The following RUFY3 variants were observed in gnomAD, a reference collection of about 807,000 sequenced individuals.
RUFY3 encodes protein RUFY3.
In RUFY3, 34 loss-of-function variants were observed where a neutral mutation model predicts 84.0. The ratio of observed to expected loss-of-function variants is 0.40; its 90% CI spans 0.31 to 0.54. RUFY3 has a LOEUF of 0.54. Ranked by LOEUF, RUFY3 falls within the 20% of genes least tolerant of loss-of-function variation. RUFY3 has a pLI of 0.39. For missense variants in RUFY3, 507 were observed against 736.8 expected (o/e 0.69, Z 3.61); for synonymous variants, 242 against 252.9 (o/e 0.96, Z 0.41).
chr4:70,704,222 C>G (rs1489404836), upstream of RUFY3: 1 of 152,194 alleles, frequency 6.6e-6, no homozygotes, highest in Non-Finnish European at 1.5e-5. Context: ...GATTTCAGTA[C>G]AGCGCACAAG....
intron 1 of RUFY3, among the ~76,000 whole-genome samples, chr4:70,723,524 G>A (rs1434445071): frequency 2.0e-5 from 3 of 151,882 alleles, no homozygotes; most frequent in African/African-American, 4.8e-5. Flanking sequence ...CTTGACTTGC[G>A]ACTTTTTTCC....
upstream of RUFY3, among the ~76,000 whole-genome samples, chr4:70,719,516 A>G (rs1231664558): frequency 6.6e-6 from 1 of 152,178 alleles, no homozygotes; most frequent in East Asian, 1.9e-4. Flanking sequence ...GGATTTATTC[A>G]TGTATTCCTT....
chr4:70,784,841 G>A lies in RUFY3; in HGVS notation c.1033G>A (p.Ala345Thr). 6.2e-7 allele frequency: 1 copy of A among 1,607,272 alleles called. No homozygotes were observed. The highest frequency in any genetic ancestry group is 8.5e-7 in the Non-Finnish European group (1 of 1,177,198). ...RTAEGQALSE[A>T]RKHLKEETQL... ...TGCAGAAGGGCAAGCACTAAGTGAA[G>A]CAAGAAAGCATTTAAAAGAAGAGAC... The change falls in exon 10 of 18, where the codon GCA (alanine) becomes ACA (threonine). Residue 345 changes from alanine (A) to threonine (T), a missense_variant. Ala to Thr is a moderately conservative substitution (Grantham distance 58, BLOSUM62 0). This residue lies in a region of RUFY3 where 334 missense variants were observed against 364.1 expected (regional missense o/e 0.92). Coordinates refer to ENST00000381006, the MANE Select transcript of RUFY3 (RefSeq NM_001037442.4).
intron 1 of RUFY3, among the ~76,000 whole-genome samples, chr4:70,732,176 T>G (rs1719381607): frequency 6.6e-6 from 1 of 152,228 alleles, no homozygotes; most frequent in South Asian, 2.1e-4. Context: ...TCTCACACCT[T>G]TCATGTCCTG....
Position 70,775,221 on chromosome 4 carries a change from A to G in RUFY3, c.812A>G (p.Asn271Ser). Reference protein sequence around the residue: ...LDQKNYVEELNRHLNATVNNL... With the variant: ...LDQKNYVEELSRHLNATVNNL... ...CAGAAGAACTATGTAGAAGAACTGAACAGACATTTGAAGTAAATAATGAAT... is the reference window on the plus strand; with the variant it reads ...CAGAAGAACTATGTAGAAGAACTGAGCAGACATTTGAAGTAAATAATGAAT... The change falls in exon 7 of 18, where the codon AAC (asparagine) becomes AGC (serine). Residue 271 changes from asparagine to serine, a missense_variant. Transcript: ENST00000381006. 6.3e-7 allele frequency: 1 copy of G among 1,591,076 alleles called. No homozygotes were observed. Among genetic ancestry groups the G allele is most frequent in the Non-Finnish European group, 8.6e-7 (1 of 1,163,874 alleles).
chr4:70,792,491 A>G, intron 12 of RUFY3: 1 of 985,268 alleles, frequency 1.0e-6, no homozygotes, highest in African/African-American at 1.7e-5. Flanking sequence ...ATTGTAAATA[A>G]TCCTATAAAC....
Position 70,763,582 on chromosome 4 carries a change from C to T in RUFY3, c.383C>T (p.Ser128Phe). ...AAAACTTTTCTCGGACAAAATAAAT[C>T]CTTCTGGGGGCCTCTAGAACTGGTA... ...AKKTFLGQNK[S>F]FWGPLELVEK... Residue 128 changes from serine to phenylalanine, a missense_variant, in exon 3 of 18, where the codon TCC becomes TTC. Physicochemically the swap from Ser to Phe is radical, Grantham distance 155 (BLOSUM62 -2). Coordinates refer to ENST00000381006, the MANE Select transcript of RUFY3 (RefSeq NM_001037442.4). 6.2e-7 allele frequency: 1 copy of T among 1,610,310 alleles called. No individual in the cohort carries two copies. The highest frequency in any genetic ancestry group is 8.5e-7 in the Non-Finnish European group (1 of 1,178,976).
chr4:70,705,105 C>G (rs1740112314), exon 1 of RUFY3: 2 of 1,418,392 alleles, frequency 1.4e-6, no homozygotes, highest in East Asian at 3.1e-5. Flanking sequence ...GCAGTCGGAG[C>G]CCGACTCGCC....
At chr4:70,759,156 TC>T (rs780207205) in intron 1 of RUFY3, among the ~76,000 whole-genome samples, 1 of 152,174 alleles carries the variant, frequency 6.6e-6, no homozygotes, top group African/African-American at 2.4e-5. Flanking sequence ...TATCTTCCCC[TC>T]CTCCATACTC....
chr4:70,730,792 G>A (rs922318077), intron 1 of RUFY3, among the ~76,000 whole-genome samples: 4 of 152,026 alleles, frequency 2.6e-5, no homozygotes, highest in African/African-American at 4.8e-5. Context: ...TGTAATAACC[G>A]GTAGAGGCAG....
At chr4:70,757,668 TATG>T (rs1724265001) in intron 1 of RUFY3, among the ~76,000 whole-genome samples, 2 of 152,204 alleles carry the variant, frequency 1.3e-5, no homozygotes, top group Admixed American at 6.5e-5. Flanking sequence ...CTTTGTTAAA[TATG>T]ATTATGTTTA....
At chr4:70,795,036 T>C (rs929411665) in intron 14 of RUFY3, 142 bp downstream of exon 14, 3 of 628,088 alleles carry the variant, frequency 4.8e-6, no homozygotes, top group Non-Finnish European at 8.4e-6. Flanking sequence ...AACTAGTAAT[T>C]ATGTGAACAA....
intron 10 of RUFY3, among the ~76,000 whole-genome samples, chr4:70,788,348 T>C (rs1341629018): frequency 6.6e-6 from 1 of 152,046 alleles, no homozygotes; most frequent in East Asian, 1.9e-4. Context: ...GTAATTGCGA[T>C]GTTACCCCAG....
chr4:70,788,325 GTCA>G (rs1730253448), intron 10 of RUFY3, among the ~76,000 whole-genome samples: 1 of 151,556 alleles, frequency 6.6e-6, no homozygotes, highest in South Asian at 2.1e-4. Context: ...AACCATACTA[GTCA>G]TCATCCTCAG....
chr4:70,732,456 A>G (rs535648750), intron 1 of RUFY3, among the ~76,000 whole-genome samples: 8 of 152,218 alleles, frequency 5.3e-5, no homozygotes, highest in Non-Finnish European at 1.2e-4. Flanking sequence ...ACACATGCAC[A>G]CGTATGTTTA....
intron 1 of RUFY3, among the ~76,000 whole-genome samples, chr4:70,752,019 G>A (rs1314202594): frequency 1.3e-5 from 2 of 152,178 alleles, no homozygotes; most frequent in Admixed American, 1.3e-4. Flanking sequence ...GACCTCAAGT[G>A]ATCCACCCAC....
At chr4:70,777,780 G>GT (rs1280198962) in intron 7 of RUFY3, among the ~76,000 whole-genome samples, 1 of 152,216 alleles carries the variant, frequency 6.6e-6, no homozygotes, top group African/African-American at 2.4e-5. Flanking sequence ...TTTGGTGCAT[G>GT]TAAGTATTTA....
chr4:70,799,320 A>G (rs1273002135), intron 14 of RUFY3: 6 of 152,158 alleles, frequency 3.9e-5, no homozygotes, highest in Admixed American at 3.9e-4. Context: ...CGGGTGGATA[A>G]TTTGAGGTCA....
Position 70,722,777 on chromosome 4 carries a change from A to G in RUFY3, c.178+26A>G, listed in dbSNP as rs773837857. On this transcript the variant is annotated intron_variant, in intron 1 of 17. Transcript: ENST00000381006. ...GTATGGTCAGATCCTGTCCGCTAGT[A>G]TTTCACCAGCATCCTCATTGTTATG... The G allele has an allele frequency of 3.7e-6, 6 of 1,600,986 alleles. No homozygotes were observed. In the Admixed American group the frequency reaches 1.0e-4, roughly 27 times the overall value.
Sources: allele counts gnomAD v4.1 joint callset (sites outside exome capture counted in the v4.1 genomes callset), GRCh38; gene constraint gnomAD v4.1.1; regional missense constraint gnomAD v4.1.1; transcripts MANE v1.5; gene names NCBI Gene and HGNC (gene_info 2026-07-23, HGNC 2026-07-21).